The following MAP3K13 variants were observed in gnomAD, a reference collection of about 807,000 sequenced individuals.
The protein encoded by MAP3K13 is mitogen-activated protein kinase kinase kinase 13, also known as leucine zipper-bearing kinase.
MAP3K13 carries 52 observed loss-of-function variants against 104.0 expected under a neutral mutation model. The ratio of observed to expected loss-of-function variants is 0.50; its 90% CI spans 0.40 to 0.63. MAP3K13 has a LOEUF of 0.63. MAP3K13 is among the 20% of genes least tolerant of loss of function. The pLI, the probability that MAP3K13 is intolerant of heterozygous loss-of-function variation, is 0.00. For missense variants in MAP3K13, 914 were observed against 1,218.5 expected, an observed-to-expected ratio of 0.75 and a Z score of 3.72; for synonymous variants, 394 against 442.2, an observed-to-expected ratio of 0.89 and a Z score of 1.37.
At chr3:185,308,600 T>G (rs1177826408) in intron 2 of MAP3K13, among the ~76,000 whole-genome samples, 1 of 152,196 alleles carries the variant, frequency 6.6e-6, no homozygotes, top group African/African-American at 2.4e-5. Context: ...GGTGCTGCAG[T>G]TAGCTGCTGA....
At chr3:185,361,729 C>T (rs1350234118), upstream of MAP3K13, among the ~76,000 whole-genome samples, 1 of 152,204 alleles carries the variant, frequency 6.6e-6, no homozygotes, top group Non-Finnish European at 1.5e-5. Context: ...ATGTGGTACA[C>T]TGAGGCCTAC....
At chr3:185,377,292 G>A (rs1412226212) in intron 1 of MAP3K13, among the ~76,000 whole-genome samples, 1 of 152,174 alleles carries the variant, frequency 6.6e-6, no homozygotes, top group Non-Finnish European at 1.5e-5. Context: ...TGGGATATTG[G>A]CATTGAGCAG....
intron 2 of MAP3K13, among the ~76,000 whole-genome samples, chr3:185,318,457 G>A (rs73887865): frequency 0.089 from 13,544 of 152,268 alleles, 826 homozygotes; most frequent in East Asian, 0.2. Flanking sequence ...AATGTTGACT[G>A]TTTAGAAAAT....
chr3:185,375,713 A>G (rs1382790094), intron 1 of MAP3K13, among the ~76,000 whole-genome samples: 2 of 152,138 alleles, frequency 1.3e-5, no homozygotes, highest in Non-Finnish European at 2.9e-5. Context: ...GTCCTGAGCA[A>G]TGGGATCTGA....
At chr3:185,424,762 T>C (rs577534845) in intron 1 of MAP3K13, among the ~76,000 whole-genome samples, 2 of 152,338 alleles carry the variant, frequency 1.3e-5, no homozygotes, top group East Asian at 3.9e-4. Flanking sequence ...AAAATAGTAA[T>C]GGTAACAGTA....
At chr3:185,393,907 A>T (rs1054511378) in intron 1 of MAP3K13, among the ~76,000 whole-genome samples, 1 of 152,150 alleles carries the variant, frequency 6.6e-6, no homozygotes, top group African/African-American at 2.4e-5. Flanking sequence ...ATCTTCCCTG[A>T]CAAGAAGATA....
At chr3:185,332,282 G>A (rs145091862) in intron 2 of MAP3K13, among the ~76,000 whole-genome samples, 74 of 152,002 alleles carry the variant, frequency 4.9e-4, no homozygotes, top group Middle Eastern at 3.4e-3. Context: ...AGAATCATCA[G>A]ACTTTTGGAT....
intron 1 of MAP3K13, among the ~76,000 whole-genome samples, chr3:185,372,760 AAAG>A (rs1459180087): frequency 1.3e-5 from 2 of 152,218 alleles, no homozygotes; most frequent in East Asian, 3.8e-4. Flanking sequence ...CTTTAAAAAC[AAAG>A]AAGAGCCAAC....
intron 2 of MAP3K13, among the ~76,000 whole-genome samples, chr3:185,350,260 A>T (rs1723089714): frequency 6.6e-6 from 1 of 152,154 alleles, no homozygotes; most frequent in Non-Finnish European, 1.5e-5. Flanking sequence ...ATCTCGGCTC[A>T]CGGCAACCTC....
At chr3:185,386,884 A>T (rs1711729774) in intron 1 of MAP3K13, among the ~76,000 whole-genome samples, 2 of 152,186 alleles carry the variant, frequency 1.3e-5, no homozygotes, top group African/African-American at 4.8e-5. Context: ...GGAACAACAC[A>T]TACTGAATCC....
chr3:185,432,058 T>A (rs1440626180), intron 2 of MAP3K13, among the ~76,000 whole-genome samples: 2 of 152,124 alleles, frequency 1.3e-5, no homozygotes, highest in Admixed American at 1.3e-4. Context: ...TAAAGGAAAT[T>A]AGTTGTTTTT....
At position 185,418,684 on chromosome 3, in the gene MAP3K13, A is replaced by G; in HGVS notation, c.-85-9813A>G. 2 of 1,611,772 alleles carry G rather than the reference A, an allele frequency of 1.2e-6. No homozygotes were observed. The highest frequency in any genetic ancestry group is 2.2e-5 in the East Asian group (1 of 44,866). On this transcript the variant is annotated intron_variant, in intron 1 of 13. Coordinates refer to ENST00000265026, the MANE Select transcript of MAP3K13 (RefSeq NM_004721.5). The surrounding 1 kb of genome is among the most constrained non-coding windows in gnomAD (Gnocchi z 4.5). ...AACAAAGTTCACAATATCTGGTCGA[A>G]TAGGAGCCTTGAATACAGCAGGCTA...
intron 7 of MAP3K13, among the ~76,000 whole-genome samples, chr3:185,455,374 T>G (rs1386189713): frequency 1.2e-5 from 1 of 85,206 alleles, no homozygotes; most frequent in African/African-American, 4.2e-5. Context: ...ATATATATGA[T>G]ATATATGATA....
chr3:185,391,531 A>G (rs1438030651), intron 1 of MAP3K13, among the ~76,000 whole-genome samples: 1 of 152,240 alleles, frequency 6.6e-6, no homozygotes, highest in East Asian at 1.9e-4. Flanking sequence ...AAAGAAAGGA[A>G]CACAGAAAGG....
chr3:185,347,276 C>T (rs1478379019), intron 2 of MAP3K13, among the ~76,000 whole-genome samples: 1 of 152,128 alleles, frequency 6.6e-6, no homozygotes, highest in Non-Finnish European at 1.5e-5. Context: ...TGAACCACTG[C>T]ACCTGGCCGA....
intron 12 of MAP3K13, among the ~76,000 whole-genome samples, chr3:185,479,227 G>T (rs963342091): frequency 6.6e-6 from 1 of 152,152 alleles, no homozygotes. Flanking sequence ...GAAAGCACTT[G>T]GGCCTCCAGG....
chr3:185,467,321 T>A (rs1402134033), intron 10 of MAP3K13, among the ~76,000 whole-genome samples: 2 of 152,362 alleles, frequency 1.3e-5, no homozygotes, highest in East Asian at 3.9e-4. Flanking sequence ...ATGAGATTTC[T>A]TTTTATTTTT....
chr3:185,387,701 C>CA (rs1387490413), intron 1 of MAP3K13, among the ~76,000 whole-genome samples: 9 of 152,044 alleles, frequency 5.9e-5, no homozygotes, highest in Admixed American at 5.2e-4. Context: ...GAGAGAAACT[C>CA]ACAGCTATCA....
At chr3:185,471,616 C>T (rs1015233034) in intron 10 of MAP3K13, among the ~76,000 whole-genome samples, 4 of 151,918 alleles carry the variant, frequency 2.6e-5, no homozygotes, top group Non-Finnish European at 5.9e-5. Context: ...CCCACCACCA[C>T]GCCTGGCTAA....
Sources: allele counts gnomAD v4.1 joint callset (sites outside exome capture counted in the v4.1 genomes callset), GRCh38; gene constraint gnomAD v4.1.1; non-coding constraint Gnocchi (gnomAD v3.1); transcripts MANE v1.5; gene names NCBI Gene and HGNC (gene_info 2026-07-23, HGNC 2026-07-21).